BSG: variants seen among roughly 807,000 people sequenced by gnomAD.
BSG encodes basigin (Ok blood group).
A neutral mutation model predicts 43.1 loss-of-function variants in BSG; 37 were observed. That is an observed-to-expected ratio of 0.86 (90% CI 0.66 to 1.13). The LOEUF is 1.13. BSG is among the 50% of genes most tolerant of loss of function. BSG has a pLI of 0.00. For missense variants in BSG, 599 were observed against 554.2 expected, an observed-to-expected ratio of 1.08 and a Z score of -0.81; for synonymous variants, 309 against 238.7, an observed-to-expected ratio of 1.29 and a Z score of -2.72.
intron 1 of BSG, chr19:575,080 TCTG>T (rs1204595181): frequency 1.3e-5 from 2 of 152,298 alleles, no homozygotes; most frequent in East Asian, 1.9e-4. Context: ...AAGGGTTTCT[TCTG>T]AGCAGAAAGC....
upstream of BSG, chr19:571,653 A>C (rs539181165): frequency 2.2e-5 from 17 of 772,762 alleles, no homozygotes; most frequent in South Asian, 2.3e-4. Flanking sequence ...GGTCCCGCAA[A>C]GAGAAACCAG....
At chr19:582,054 G>A (rs1265206667) in intron 6 of BSG, among the ~76,000 whole-genome samples, 1 of 152,224 alleles carries the variant, frequency 6.6e-6, no homozygotes, top group Non-Finnish European at 1.5e-5. Context: ...ACGCTGTGGG[G>A]CAGGGGTGAG....
rs1216872074 is a variant in BSG, at chr19:572,630, G to A, written c.-5G>A. 2.7e-6 allele frequency: 4 copies of A among 1,502,456 alleles called. No homozygotes were observed. Among genetic ancestry groups the A allele is most frequent in the Admixed American group, 2.2e-5 (1 of 45,560 alleles). 93.1% of individuals were successfully genotyped at this position (1,502,456 alleles called of 1,614,324 possible). ...AGGTTGTAGGACCGGCGAGGAATAG[G>A]AATCATGGCGGCTGCGCTGTTCGTG... On this transcript the variant is annotated 5_prime_UTR_variant, in exon 1 of 9. Coordinates refer to ENST00000333511, the MANE Select transcript of BSG (RefSeq NM_001728.4).
chr19:575,159 G>A (rs12609063), intron 1 of BSG: 21,117 of 152,360 alleles, frequency 0.14, 1,690 homozygotes, highest in South Asian at 0.26. Flanking sequence ...TGCAGTGCTG[G>A]CAGCGCCGCC....
chr19:572,578 G>T (rs1372020630), upstream of BSG: 4 of 1,435,486 alleles, frequency 2.8e-6, no homozygotes, highest in Admixed American at 5.1e-5. Flanking sequence ...TTTTATAGCG[G>T]CCGCGGGCGG....
chr19:581,806 C>T (rs566302789), intron 6 of BSG, among the ~76,000 whole-genome samples: 424 of 152,360 alleles, frequency 2.8e-3, no homozygotes, highest in Admixed American at 0.011. Flanking sequence ...GAGGAGGAGG[C>T]GGCACCTCCG....
intron 3 of BSG, chr19:580,118 G>A (rs1408907255): frequency 7.9e-6 from 4 of 503,160 alleles, no homozygotes; most frequent in Non-Finnish European, 1.4e-5. Flanking sequence ...ACAGGGTGTG[G>A]GGTGCAGAGC....
intron 2 of BSG, chr19:578,878 G>A (rs982432031): frequency 5.2e-6 from 2 of 381,758 alleles, no homozygotes; most frequent in Non-Finnish European, 1.1e-5. Context: ...TTACAGGCAT[G>A]AGCCAACATG....
upstream of BSG, chr19:571,328 G>A: frequency 1.7e-6 from 1 of 592,324 alleles, no homozygotes; most frequent in East Asian, 2.8e-5. Flanking sequence ...CTTCGCGTTC[G>A]GCTTAGTCTG....
rs1248236228 is a variant in BSG, at chr19:583,284, AC to A, written c.*541del. 3.9e-5 allele frequency: 6 copies of A among 151,980 alleles called. No individual in the cohort carries two copies. Among genetic ancestry groups the A allele is most frequent in the Non-Finnish European group, 8.8e-5 (6 of 68,074 alleles). 9.4% of individuals were successfully genotyped at this position (151,980 alleles called of 1,614,324 possible). ...GGCGACCCCGTCACAGCCTCAAGTC[AC>A]TCCCAAGCCCCCTCCTTGTCTGTGC... On this transcript the variant is annotated 3_prime_UTR_variant, in exon 9 of 9. Coordinates refer to ENST00000333511, the MANE Select transcript of BSG (RefSeq NM_001728.4).
At position 582,511 on chromosome 19, in the gene BSG, C is replaced by T. The variant is rs1982417414; in HGVS notation, c.1095-3C>T. 2 of 1,607,836 alleles carry T rather than the reference C, an allele frequency of 1.2e-6. No individual in the cohort carries two copies. The highest frequency in any genetic ancestry group is 1.7e-6 in the Non-Finnish European group (2 of 1,178,120). On this transcript the variant is annotated splice_polypyrimidine_tract_variant and splice_region_variant and intron_variant, in intron 7 of 8. Transcript: ENST00000333511. ...CCCTCTCACCCGGCCCCTCGTGCCC[C>T]AGGAAGAGCAGCGGGCAGCACCAGA...
At chr19:571,373 CCAACACACACTTT>C (rs1981219734), upstream of BSG, 1 of 611,832 alleles carries the variant, frequency 1.6e-6, no homozygotes, top group Non-Finnish European at 2.9e-6. Flanking sequence ...AGTTTAACTT[CCAACACACACTTT>C]CAACCTCCAA....
chr19:571,503 G>T, upstream of BSG: 1 of 778,736 alleles, frequency 1.3e-6, no homozygotes, highest in South Asian at 1.3e-5. Flanking sequence ...GGGTTTACGC[G>T]TCACCTCGGG....
intron 1 of BSG, among the ~76,000 whole-genome samples, chr19:573,449 C>T (rs561158080): frequency 2.6e-5 from 4 of 152,330 alleles, no homozygotes; most frequent in African/African-American, 9.6e-5. Flanking sequence ...TGGGTCAGCC[C>T]TCCGGATCGG....
chr19:572,668 G>A lies in BSG; in HGVS notation c.34G>A (p.Ala12Thr). ...AAALFVLLGF[A>T]LLGTHGASGA... ...TGCGCTGTTCGTGCTGCTGGGATTC[G>A]CGCTGCTGGGCACCCACGGAGCCTC... The change falls in exon 1 of 9, where the codon GCG (alanine) becomes ACG (threonine). Residue 12 changes from alanine to threonine, a missense_variant. Physicochemically the swap from Ala to Thr is moderately conservative, Grantham distance 58 (BLOSUM62 0). Coordinates refer to ENST00000333511, the MANE Select transcript of BSG (RefSeq NM_001728.4). The A allele has an allele frequency of 6.7e-7, 1 of 1,501,774 alleles. No homozygotes were observed. The highest frequency in any genetic ancestry group is 2.8e-5 in the East Asian group (1 of 35,188). The allele number at this position is 1,501,774 out of a possible 1,614,324, so 93.0% of individuals were successfully genotyped here.
chr19:577,132 G>C (rs546184838), intron 1 of BSG, among the ~76,000 whole-genome samples: 4 of 152,316 alleles, frequency 2.6e-5, no homozygotes, highest in Non-Finnish European at 4.4e-5. Flanking sequence ...TGTGGATTCT[G>C]CTGTGCTCCT....
rs559190146 is a variant in BSG at position 573,759 on chromosome 19, G to A, written c.67+1058G>A. 2.6e-5 allele frequency among the ~76,000 whole-genome samples: 4 copies of A among 152,312 alleles called. No homozygotes were observed. In the South Asian group the frequency reaches 8.3e-4, roughly 32 times the overall value. ...CAGCGCAGGAAATAGTGAGAAAGTCGTTTTTAGCCGACTCTGACCCGCATT... is the reference window on the plus strand; with the variant it reads ...CAGCGCAGGAAATAGTGAGAAAGTCATTTTTAGCCGACTCTGACCCGCATT... On this transcript the variant is annotated intron_variant, in intron 1 of 8. Coordinates refer to ENST00000333511, the MANE Select transcript of BSG (RefSeq NM_001728.4).
In BSG at chr19:581,316, C is replaced by T. The variant is rs768150957; in HGVS notation, c.794C>T (p.Ala265Val). ...WYKITDSEDK[A>V]LMNGSESRFF... is the part of the protein sequence containing the mutation. Reference sequence around the variant, plus strand: ...CAGCCCTTGCCTTTGGTCCCCTAGGCCCTCATGAACGGCTCCGAGAGCAGG... The same window carrying T: ...CAGCCCTTGCCTTTGGTCCCCTAGGTCCTCATGAACGGCTCCGAGAGCAGG... The change falls in exon 6 of 9, where the codon GCC (alanine) becomes GTC (valine). Residue 265 changes from alanine (A) to valine (V), a missense_variant and splice_region_variant. Physicochemically the swap from Ala to Val is moderately conservative, Grantham distance 64. Coordinates refer to ENST00000333511, the MANE Select transcript of BSG (RefSeq NM_001728.4). The T allele has an allele frequency of 1.9e-6, 3 of 1,610,780 alleles. No individual in the cohort carries two copies. Among genetic ancestry groups the T allele is most frequent in the Admixed American group, 1.7e-5 (1 of 59,914 alleles).
chr19:578,811 A>C (rs1261525395), intron 2 of BSG: 1 of 349,466 alleles, frequency 2.9e-6, no homozygotes, highest in Non-Finnish European at 5.7e-6. Flanking sequence ...GCTCACTGCA[A>C]CTTCCGCCTC....
Sources: gnomAD v4.1 joint callset for allele counts (sites outside exome capture counted in the v4.1 genomes callset) on GRCh38, gnomAD v4.1.1 for gene constraint, MANE v1.5 for transcripts, NCBI Gene and HGNC (gene_info 2026-07-23, HGNC 2026-07-21) for gene names.